Variants in ORC3 observed in about 807,000 individuals in gnomAD.
ORC3 encodes origin recognition complex subunit 3, also known as homolog of latheo, Drosophila.
Under a neutral mutation model 100.7 loss-of-function variants are expected in ORC3, and 78 were observed. The ratio of observed to expected loss-of-function variants is 0.77; its 90% CI spans 0.65 to 0.94. The LOEUF (loss-of-function observed/expected upper bound fraction) is 0.94. Among genes scored for constraint, ORC3 ranks in the 40% least tolerant of loss-of-function variants. ORC3 has a pLI of 0.00. For synonymous variants in ORC3, 295 were observed against 289.3 expected (o/e 1.02, Z -0.20); for missense variants, 789 against 823.9 (o/e 0.96, Z 0.52).
chr6:87,628,678 T>C (rs1295118652), intron 11 of ORC3, among the ~76,000 whole-genome samples: 1 of 152,144 alleles, frequency 6.6e-6, no homozygotes, highest in Admixed American at 6.6e-5. Flanking sequence ...CAGAGCAAGT[T>C]CATGGTAGAG....
At chr6:87,676,601 A>ACGCACGCGCG in the ORC3 span, among the ~76,000 whole-genome samples, 10 of 26,638 alleles carry the variant, frequency 3.8e-4, no homozygotes, top group African/African-American at 7.5e-4. Context: ...CTAAAAACAC[A>ACGCACGCGCG]CACACACACA....
At chr6:87,639,428 G>T (rs1583110553) in intron 13 of ORC3, among the ~76,000 whole-genome samples, 1 of 152,268 alleles carries the variant, frequency 6.6e-6, no homozygotes, top group Non-Finnish European at 1.5e-5. Context: ...CAACTCTCTT[G>T]CGTGTTAGAG....
In ORC3 at chr6:87,621,449, T is replaced by C; in HGVS notation, c.1083T>C (p.Asn361=). Residue 361 remains asparagine (N), a synonymous_variant, in exon 10 of 20, where the codon AAT becomes AAC. Transcript: ENST00000392844. The part of the protein sequence containing the change: ...AKRRINFLSN[N]QCENIRRLPS... ...GAAGAATAAATTTTTTATCAAATAA[T>C]CAATGTGAAAACATCCGACGTCTAC... The C allele has an allele frequency of 1.2e-6, 2 of 1,603,462 alleles. No homozygotes were observed. Among genetic ancestry groups the C allele is most frequent in the Non-Finnish European group, 1.7e-6 (2 of 1,175,454 alleles).
Position 87,635,909 on chromosome 6 carries a change from A to G in ORC3, c.1303-498A>G, listed in dbSNP as rs185308243. Among the ~76,000 whole-genome samples the G allele has an allele frequency of 1.7e-3, 262 of 150,632 alleles. 1 individual carries two copies. Among genetic ancestry groups the G allele is most frequent in the Non-Finnish European group, 2.9e-3 (197 of 67,760 alleles). On this transcript the variant is annotated intron_variant, in intron 12 of 19. Transcript: ENST00000392844. ...TTAAAATGACCACTGATATCAACCA[A>G]TCTCAGTATAGCCTCATTTTACTTT... is the stretch of plus-strand genomic sequence containing the variant.
chr6:87,674,631 T>G, the ORC3 span, among the ~76,000 whole-genome samples: 1 of 146,202 alleles, frequency 6.8e-6, no homozygotes, highest in Non-Finnish European at 1.5e-5. Context: ...AATTTATATA[T>G]ATATATATAT....
intron 3 of ORC3, among the ~76,000 whole-genome samples, chr6:87,602,972 C>CAT (rs55910908): frequency 1.1e-4 from 7 of 62,872 alleles, no homozygotes; most frequent in Admixed American, 7.5e-4. Context: ...TATATATATA[C>CAT]ATATATATAT....
chr6:87,637,596 C>T (rs1436546992), intron 13 of ORC3, among the ~76,000 whole-genome samples: 1 of 152,070 alleles, frequency 6.6e-6, no homozygotes, highest in Non-Finnish European at 1.5e-5. Context: ...ATCTTATATA[C>T]CCAGTTGATT....
chr6:87,621,063 T>C (rs767886498), intron 9 of ORC3, among the ~76,000 whole-genome samples: 10 of 152,276 alleles, frequency 6.6e-5, no homozygotes, highest in South Asian at 6.2e-4. Flanking sequence ...CATTTGTAAT[T>C]ATTATGTGTT....
rs182266657 is a variant in ORC3, at chr6:87,657,808, T to C, written c.1594-113T>C. On this transcript the variant is annotated intron_variant, in intron 15 of 19. Coordinates refer to ENST00000392844, the MANE Select transcript of ORC3 (RefSeq NM_012381.4). ...ACCCATTTTGATCTTTCTCTGTACA[T>C]CCTGTCTTATGGAAAGGGCATCAGG... 16 of 579,270 alleles carry C rather than the reference T, an allele frequency of 2.8e-5. No homozygotes were observed. The East Asian group carries it at 4.2e-4, about 15-fold the overall frequency. 35.9% of individuals were successfully genotyped at this position (579,270 alleles called of 1,614,324 possible).
At chr6:87,665,906 C>G (rs1435805465) in intron 19 of ORC3, 73 bp downstream of exon 19, 10 of 878,440 alleles carry the variant, frequency 1.1e-5, no homozygotes, top group East Asian at 2.6e-5. Flanking sequence ...TCCAGGTCTA[C>G]ACTAGATATT....
chr6:87,639,786 C>G (rs921629989), intron 13 of ORC3, among the ~76,000 whole-genome samples: 4 of 146,916 alleles, frequency 2.7e-5, no homozygotes, highest in Middle Eastern at 3.5e-3. Flanking sequence ...TTGAGACCAG[C>G]CTGGGTAACA....
chr6:87,635,834 A>G (rs934519773), intron 12 of ORC3, among the ~76,000 whole-genome samples: 4 of 152,036 alleles, frequency 2.6e-5, no homozygotes, highest in African/African-American at 4.8e-5. Flanking sequence ...TTTGCCATTG[A>G]GCCTTAAATG....
At chr6:87,605,346 C>T (rs1480646940) in intron 4 of ORC3, among the ~76,000 whole-genome samples, 1 of 152,136 alleles carries the variant, frequency 6.6e-6, no homozygotes, top group African/African-American at 2.4e-5. Context: ...AATGAAATTA[C>T]TTCTAAGATG....
intron 10 of ORC3, among the ~76,000 whole-genome samples, 188 bp from the exon 11 acceptor site, chr6:87,621,762 A>G (rs1779549905): frequency 6.6e-6 from 1 of 152,134 alleles, no homozygotes; most frequent in Non-Finnish European, 1.5e-5. Context: ...TCTATAGACT[A>G]TGAAGTCCAG....
intron 13 of ORC3, among the ~76,000 whole-genome samples, chr6:87,640,330 A>G (rs1018944009): frequency 6.6e-6 from 1 of 152,218 alleles, no homozygotes; most frequent in African/African-American, 2.4e-5. Context: ...AAAAAGACCT[A>G]TATAATTTTA....
intron 7 of ORC3, 66 bp from the exon 8 acceptor site, chr6:87,612,023 A>G (rs1778807362): frequency 2.1e-6 from 3 of 1,425,526 alleles, no homozygotes; most frequent in Non-Finnish European, 2.9e-6. Context: ...TCTTATGTTG[A>G]AATATGATGT....
Position 87,590,224 on chromosome 6 carries a change from A to G in ORC3, c.24+32A>G, listed in dbSNP as rs774400857. ...GGTGGCCGATGCGCACTGTGGCTCTACCGCTGCCTCATTCCCCTTTGAAGA... is the reference window on the plus strand; with the variant it reads ...GGTGGCCGATGCGCACTGTGGCTCTGCCGCTGCCTCATTCCCCTTTGAAGA... On this transcript the variant is annotated intron_variant, in intron 1 of 19. Coordinates refer to ENST00000392844, the MANE Select transcript of ORC3 (RefSeq NM_012381.4). 5.0e-6 allele frequency: 8 copies of G among 1,609,496 alleles called. No individual in the cohort carries two copies. The South Asian group carries it at 7.7e-5, about 15-fold the overall frequency.
At chr6:87,662,485 C>T (rs1349193881) in intron 16 of ORC3, among the ~76,000 whole-genome samples, 2 of 152,106 alleles carry the variant, frequency 1.3e-5, no homozygotes, top group Non-Finnish European at 2.9e-5. Context: ...GGTGTCATTT[C>T]CATGAAAGAT....
intron 8 of ORC3, among the ~76,000 whole-genome samples, chr6:87,612,509 T>C (rs1432151385): frequency 1.3e-5 from 2 of 152,268 alleles, no homozygotes; most frequent in African/African-American, 2.4e-5. Context: ...TTAATCTCTT[T>C]ATATCTTTAC....
Sources: gnomAD v4.1 joint callset for allele counts (sites outside exome capture counted in the v4.1 genomes callset) on GRCh38, gnomAD v4.1.1 for gene constraint, MANE v1.5 for transcripts, NCBI Gene and HGNC (gene_info 2026-07-23, HGNC 2026-07-21) for gene names.